Variants in RPH3AL observed in about 807,000 individuals in gnomAD.
RPH3AL encodes rab effector Noc2.
In RPH3AL, 38 loss-of-function variants were observed where a neutral mutation model predicts 43.1. The observed-to-expected ratio is 0.88, with a 90% CI of 0.68 to 1.15. The LOEUF (loss-of-function observed/expected upper bound fraction) is 1.15. Ranked by LOEUF, RPH3AL falls within the 50% of genes most tolerant of loss-of-function variation. The probability of loss-of-function intolerance (pLI) is 0.00; values close to 1 mark genes in which losing one functional copy is unlikely to be tolerated. For missense variants in RPH3AL, 462 were observed against 423.2 expected (o/e 1.09, Z -0.81); for synonymous variants, 189 against 176.3 (o/e 1.07, Z -0.57).
At chr17:222,181 T>C (rs1597876868) in intron 7 of RPH3AL, among the ~76,000 whole-genome samples, 1 of 152,248 alleles carries the variant, frequency 6.6e-6, no homozygotes, top group East Asian at 1.9e-4. Context: ...GCAGTTTCCA[T>C]GGACACATTC....
chr17:238,185 A>G (rs2041446629), intron 7 of RPH3AL, among the ~76,000 whole-genome samples: 1 of 150,788 alleles, frequency 6.6e-6, no homozygotes. Context: ...GAGAGAGAGA[A>G]AGAAAGGAAG....
chr17:285,554 C>T (rs371872466), intron 5 of RPH3AL, among the ~76,000 whole-genome samples: 1 of 152,286 alleles, frequency 6.6e-6, no homozygotes, highest in African/African-American at 2.4e-5. Context: ...ATACGGTAGC[C>T]ACCAGCTGCA....
intron 6 of RPH3AL, among the ~76,000 whole-genome samples, chr17:248,643 GTCCCTCTGTTCCTCT>G (rs1474158446): frequency 1.3e-5 from 2 of 152,156 alleles, no homozygotes; most frequent in Non-Finnish European, 2.9e-5. Context: ...GCTCTGAGGG[GTCCCTCTGTTCCTCT>G]AATATCCCCA....
intron 5 of RPH3AL, among the ~76,000 whole-genome samples, chr17:314,536 C>T (rs879585255): frequency 8.1e-6 from 1 of 122,988 alleles, no homozygotes; most frequent in Non-Finnish European, 1.7e-5. Flanking sequence ...GTGACTCCAC[C>T]TCCATTGACC....
Position 281,781 on chromosome 17 carries a change from C to G in RPH3AL, c.425G>C (p.Ser142Thr), listed in dbSNP as rs774597264. The G allele has an allele frequency of 1.9e-6, 3 of 1,613,750 alleles. No individual in the cohort carries two copies. In the South Asian group the frequency reaches 3.3e-5, roughly 18 times the overall value. ...TGGACGCCCTACCTCTCTTTGCTCA[C>G]TGCAGATCTTACACAGCCACAGGGG... ...KRPLWLCKICSEQREVWKRSG... is the reference protein window; with the variant it reads ...KRPLWLCKICTEQREVWKRSG... Residue 142 changes from serine to threonine, a missense_variant, in exon 6 of 10, where the codon AGT (serine) becomes ACT (threonine). Transcript: ENST00000331302.
intron 5 of RPH3AL, among the ~76,000 whole-genome samples, chr17:317,614 C>G (rs1221960167): frequency 6.6e-6 from 1 of 152,224 alleles, no homozygotes; most frequent in African/African-American, 2.4e-5. Flanking sequence ...GTCTTACACC[C>G]AGGCCCCCAT....
intron 7 of RPH3AL, among the ~76,000 whole-genome samples, chr17:237,621 C>T (rs146236184): frequency 1.3e-5 from 2 of 152,188 alleles, no homozygotes; most frequent in South Asian, 2.1e-4. Context: ...GTATTTACAC[C>T]CTGTGAGCAG....
At chr17:331,653 C>T in intron 2 of RPH3AL, 5 of 1,288,196 alleles carry the variant, frequency 3.9e-6, no homozygotes, top group Non-Finnish European at 5.1e-6. Context: ...CATGCAGAGG[C>T]TCCCTGACTC....
intron 7 of RPH3AL, among the ~76,000 whole-genome samples, chr17:237,008 G>C (rs1463352197): frequency 1.3e-5 from 2 of 152,214 alleles, no homozygotes; most frequent in Admixed American, 6.5e-5. Context: ...GCTGCTCTGA[G>C]CATCAGCTGG....
At chr17:231,300 T>G (rs2151514456) in intron 7 of RPH3AL, among the ~76,000 whole-genome samples, 1 of 152,308 alleles carries the variant, frequency 6.6e-6, no homozygotes, top group East Asian at 1.9e-4. Context: ...TGGTCAGAGC[T>G]TAGGTTTGGG....
chr17:219,807 G>A (rs1405073713), intron 7 of RPH3AL, 71 bp from the exon 8 acceptor site: 12 of 1,154,772 alleles, frequency 1.0e-5, no homozygotes, highest in African/African-American at 3.0e-5. Flanking sequence ...ACGGAGGGAC[G>A]AGGGCAGGCC....
chr17:285,476 G>A (rs1464104757), intron 5 of RPH3AL, among the ~76,000 whole-genome samples: 1 of 152,204 alleles, frequency 6.6e-6, no homozygotes, highest in African/African-American at 2.4e-5. Context: ...TGCCAGCTGC[G>A]GTTAGTGCAG....
At chr17:275,552 A>G (rs775013244) in intron 6 of RPH3AL, among the ~76,000 whole-genome samples, 3 of 152,160 alleles carry the variant, frequency 2.0e-5, no homozygotes, top group Non-Finnish European at 4.4e-5. Context: ...CAAACTGCAC[A>G]CAAGTGTTTC....
At chr17:222,774 C>T (rs1156436650) in intron 7 of RPH3AL, among the ~76,000 whole-genome samples, 1 of 152,166 alleles carries the variant, frequency 6.6e-6, no homozygotes, top group Non-Finnish European at 1.5e-5. Context: ...GCGGGACCCA[C>T]AGACCCTGGC....
chr17:316,485 T>A (rs1291422362), intron 5 of RPH3AL, among the ~76,000 whole-genome samples: 1,756 of 148,184 alleles, frequency 0.012, 9 homozygotes, highest in African/African-American at 0.042. Flanking sequence ...GTGCCCCACC[T>A]CCACTGACCT....
chr17:247,564 C>T, intron 6 of RPH3AL: 1 of 390,846 alleles, frequency 2.6e-6, no homozygotes, highest in Non-Finnish European at 4.6e-6. Context: ...TCACCCGCTG[C>T]AGCCTCCACC....
At position 319,518 on chromosome 17, in the gene RPH3AL, G is replaced by A. The variant is rs758943991; in HGVS notation, c.253C>T (p.Arg85Trp). 2.2e-5 allele frequency: 35 copies of A among 1,611,836 alleles called. No individual in the cohort carries two copies. Among genetic ancestry groups the A allele is most frequent in the South Asian group, 1.2e-4 (11 of 91,076 alleles). Residue 85 changes from arginine (R) to tryptophan (W), a missense_variant, in exon 5 of 10, where the codon CGG becomes TGG. Physicochemically the swap from Arg to Trp is moderately radical, Grantham distance 101. Transcript: ENST00000331302. ...RLVERLETMR[R>W]NVMGNGLSQC... Reference sequence around the variant, plus strand: ...GACAGGCCGTTCCCCATCACATTCCGCCTCATGGTCTCCAGCCGCTCCACC... The same window carrying A: ...GACAGGCCGTTCCCCATCACATTCCACCTCATGGTCTCCAGCCGCTCCACC...
Position 319,424 on chromosome 17 carries a change from C to G in RPH3AL, c.347G>C (p.Arg116Thr), listed in dbSNP as rs769200302. 20 of 1,612,004 alleles carry G rather than the reference C, an allele frequency of 1.2e-5. No homozygotes were observed. In the South Asian group the frequency reaches 1.9e-4, roughly 15 times the overall value. ...AGGGCCAGAGCAGGGTCTTACCTTC[C>G]TGCAGTCTTTGCAGAACACCGACGA... The part of the protein sequence containing the change: ...GSSSVFCKDC[R>T]KKVCTKCGIE... Residue 116 changes from arginine to threonine, a missense_variant, in exon 5 of 10, where the codon AGG becomes ACG. Physicochemically the swap from Arg to Thr is moderately conservative, Grantham distance 71. Transcript: ENST00000331302.
chr17:307,059 G>A (rs2043505945), intron 5 of RPH3AL, among the ~76,000 whole-genome samples: 1 of 151,766 alleles, frequency 6.6e-6, no homozygotes, highest in South Asian at 2.1e-4. Flanking sequence ...ACCTCCCCAG[G>A]TGCCGCAGCT....
Sources: allele counts gnomAD v4.1 joint callset (sites outside exome capture counted in the v4.1 genomes callset), GRCh38; gene constraint gnomAD v4.1.1; transcripts MANE v1.5; gene names NCBI Gene and HGNC (gene_info 2026-07-23, HGNC 2026-07-21).